Variants in RANBP2 observed in about 807,000 individuals in gnomAD.
RANBP2 encodes the protein E3 SUMO-protein ligase RanBP2.
In RANBP2, 57 loss-of-function variants were observed where a neutral mutation model predicts 303.6. The observed-to-expected ratio is 0.19, with a 90% CI of 0.15 to 0.23. The LOEUF (loss-of-function observed/expected upper bound fraction) is 0.23. Ranked by LOEUF, RANBP2 falls within the 10% of genes least tolerant of loss-of-function variation. The pLI is 1.00. For missense variants in RANBP2, 3,138 were observed against 3,780.8 expected (o/e 0.83, Z 4.46); for synonymous variants, 1,167 against 1,301.5 (o/e 0.90, Z 2.23).
the RANBP2 span, among the ~76,000 whole-genome samples, chr2:109,587,498 A>C: frequency 6.6e-6 from 1 of 152,168 alleles, no homozygotes. Flanking sequence ...AGTGACTGAA[A>C]ACTTTCTAAT....
At chr2:109,282,553 C>G in the RANBP2 span, among the ~76,000 whole-genome samples, 1 of 152,182 alleles carries the variant, frequency 6.6e-6, no homozygotes, top group African/African-American at 2.4e-5. Flanking sequence ...TGTGCCTCAG[C>G]TGACTGCAGG....
chr2:109,264,086 A>G, the RANBP2 span, among the ~76,000 whole-genome samples: 2 of 152,216 alleles, frequency 1.3e-5, no homozygotes, highest in African/African-American at 4.8e-5. Flanking sequence ...TCTTTAAGCT[A>G]CAGATCTCAG....
chr2:108,723,612 C>CA (rs1694461894), intron 1 of RANBP2, among the ~76,000 whole-genome samples: 1 of 152,140 alleles, frequency 6.6e-6, no homozygotes, highest in South Asian at 2.1e-4. Flanking sequence ...TATGCTCCTC[C>CA]AAAACTGTCC....
At chr2:108,881,452 G>A in the RANBP2 span, among the ~76,000 whole-genome samples, 1 of 152,160 alleles carries the variant, frequency 6.6e-6, no homozygotes, top group South Asian at 2.1e-4. Flanking sequence ...AGGCTGCTGT[G>A]TTTTCTTATC....
chr2:109,215,257 G>A, the RANBP2 span, among the ~76,000 whole-genome samples: 1 of 152,222 alleles, frequency 6.6e-6, no homozygotes, highest in Non-Finnish European at 1.5e-5. Flanking sequence ...AAACTGGAGG[G>A]TAGGGGAGAA....
chr2:109,149,344 A>G, the RANBP2 span, among the ~76,000 whole-genome samples: 1 of 152,230 alleles, frequency 6.6e-6, no homozygotes, highest in African/African-American at 2.4e-5. Context: ...CCTCTACTCC[A>G]TTTAATCAAG....
chr2:109,534,637 G>C, the RANBP2 span, among the ~76,000 whole-genome samples: 6 of 152,014 alleles, frequency 3.9e-5, no homozygotes, highest in Admixed American at 2.6e-4. Flanking sequence ...AAAATTAGCT[G>C]GGCGTGATGG....
chr2:109,684,169 T>C, the RANBP2 span, among the ~76,000 whole-genome samples: 2 of 151,812 alleles, frequency 1.3e-5, no homozygotes, highest in Middle Eastern at 3.2e-3. Context: ...TGCCAACTCC[T>C]GACCACAAAT....
intron 6 of RANBP2, among the ~76,000 whole-genome samples, chr2:108,737,787 C>T (rs1306575374): frequency 1.3e-5 from 2 of 149,214 alleles, no homozygotes; most frequent in Non-Finnish European, 3.0e-5. Flanking sequence ...AATCTCGGCT[C>T]ACTGCAAGCT....
chr2:108,820,699 C>CAAA, the RANBP2 span, among the ~76,000 whole-genome samples: 36 of 62,530 alleles, frequency 5.8e-4, no homozygotes, highest in East Asian at 2.1e-3. Context: ...ATTCAAAGTG[C>CAAA]AAAAAAAAAA....
chr2:109,532,614 C>T, the RANBP2 span, among the ~76,000 whole-genome samples: 1 of 152,094 alleles, frequency 6.6e-6, no homozygotes, highest in Non-Finnish European at 1.5e-5. Flanking sequence ...TGTCTATAAT[C>T]TAAAGCTGCC....
At chr2:109,434,469 C>A in the RANBP2 span, among the ~76,000 whole-genome samples, 1 of 152,234 alleles carries the variant, frequency 6.6e-6, no homozygotes. Context: ...ATTGGGACAT[C>A]GCCTGGCCGG....
the RANBP2 span, chr2:109,616,043 A>G: frequency 6.6e-6 from 10 of 1,513,572 alleles, no homozygotes; most frequent in South Asian, 1.4e-4. Context: ...TCACATTGAG[A>G]CCAAAGTCCA....
At chr2:108,724,427 G>C (rs893726461) in intron 1 of RANBP2, among the ~76,000 whole-genome samples, 3 of 152,080 alleles carry the variant, frequency 2.0e-5, no homozygotes, top group Admixed American at 1.3e-4. Flanking sequence ...TAATTTAGTT[G>C]ATCATTTGGT....
chr2:109,273,925 G>A, the RANBP2 span, among the ~76,000 whole-genome samples: 45,824 of 152,044 alleles, frequency 0.3, 7,914 homozygotes, highest in South Asian at 0.42. Context: ...ACTGGGTTTG[G>A]TGCTTGCTTT....
At chr2:109,695,646 C>G in the RANBP2 span, among the ~76,000 whole-genome samples, 1 of 152,146 alleles carries the variant, frequency 6.6e-6, no homozygotes, top group African/African-American at 2.4e-5. Flanking sequence ...ATGATTTTTG[C>G]TTCAGCTATC....
chr2:109,075,789 T>C, the RANBP2 span, among the ~76,000 whole-genome samples: 1 of 150,384 alleles, frequency 6.6e-6, no homozygotes, highest in South Asian at 2.1e-4. Context: ...ACAGAAAACC[T>C]TAACAGATGA....
the RANBP2 span, among the ~76,000 whole-genome samples, chr2:109,102,702 A>T: frequency 6.6e-6 from 1 of 151,944 alleles, no homozygotes; most frequent in South Asian, 2.1e-4. Context: ...GAGAGGGAGG[A>T]TGAGGAAGGG....
chr2:109,083,310 A>T, the RANBP2 span, among the ~76,000 whole-genome samples: 2 of 152,036 alleles, frequency 1.3e-5, no homozygotes, highest in African/African-American at 2.4e-5. Context: ...CACCCACCAC[A>T]GCCCCTGGCA....
Sources: gnomAD v4.1 joint callset for allele counts (sites outside exome capture counted in the v4.1 genomes callset) on GRCh38, gnomAD v4.1.1 for gene constraint, MANE v1.5 for transcripts, NCBI Gene and HGNC (gene_info 2026-07-23, HGNC 2026-07-21) for gene names.